PAPSS1: variants seen among roughly 807,000 people sequenced by gnomAD.
The protein encoded by PAPSS1 is 3'-phosphoadenosine 5'-phosphosulfate synthase 1.
Under a neutral mutation model 72.0 loss-of-function variants are expected in PAPSS1, and 50 were observed. That is an observed-to-expected ratio of 0.69 (90% CI 0.55 to 0.88). PAPSS1 has a LOEUF of 0.88. PAPSS1 is among the 40% of genes least tolerant of loss of function. The probability of loss-of-function intolerance (pLI) is 0.00; values close to 1 mark genes in which losing one functional copy is unlikely to be tolerated. For synonymous variants in PAPSS1, 261 were observed against 263.6 expected, an observed-to-expected ratio of 0.99 and a Z score of 0.09; for missense variants, 657 against 782.2, an observed-to-expected ratio of 0.84 and a Z score of 1.91.
At chr4:107,699,407 C>A (rs773093969) in intron 2 of PAPSS1, among the ~76,000 whole-genome samples, 12 of 152,170 alleles carry the variant, frequency 7.9e-5, no homozygotes, top group Middle Eastern at 3.4e-3. Flanking sequence ...GAGGAACAGA[C>A]AAATATATCA....
intron 6 of PAPSS1, among the ~76,000 whole-genome samples, chr4:107,658,060 C>A (rs558967207): frequency 7.1e-4 from 108 of 152,140 alleles, no homozygotes; most frequent in African/African-American, 2.5e-3. Context: ...AGCAAGGAAT[C>A]TTTCCAAGAT....
In PAPSS1 at chr4:107,709,009, C is replaced by T. The variant is rs192763982; in HGVS notation, c.61-7724G>A. On this transcript the variant is annotated intron_variant, in intron 1 of 11. Coordinates refer to ENST00000265174, the MANE Select transcript of PAPSS1 (RefSeq NM_005443.5). ...ATCCAGTTGTTTCTGGACCTCACTT[C>T]CATTTTCTGTGCACCACTTTCCTTT... Among the ~76,000 whole-genome samples the T allele has an allele frequency of 4.6e-5, 7 of 152,332 alleles. No individual in the cohort carries two copies. In the East Asian group the frequency reaches 1.4e-3, roughly 29 times the overall value.
chr4:107,618,987 G>A (rs17037911), intron 11 of PAPSS1, among the ~76,000 whole-genome samples: 6 of 152,150 alleles, frequency 3.9e-5, no homozygotes, highest in African/African-American at 1.4e-4. Context: ...CCACTTATTG[G>A]CTCCCTAAAT....
chr4:107,674,086 C>A (rs1392823824), intron 5 of PAPSS1, among the ~76,000 whole-genome samples: 1 of 152,104 alleles, frequency 6.6e-6, no homozygotes, highest in African/African-American at 2.4e-5. Flanking sequence ...CCAGCCACTG[C>A]AAAAATGTGA....
At chr4:107,685,640 C>G (rs762535427) in intron 4 of PAPSS1, among the ~76,000 whole-genome samples, 4 of 152,206 alleles carry the variant, frequency 2.6e-5, no homozygotes, top group Non-Finnish European at 4.4e-5. Flanking sequence ...GGTTGACAGG[C>G]AGCAGTCCCC....
intron 1 of PAPSS1, among the ~76,000 whole-genome samples, chr4:107,707,526 C>T (rs570434872): frequency 1.3e-5 from 2 of 152,272 alleles, no homozygotes; most frequent in Admixed American, 1.3e-4. Context: ...CTGAGTTTCA[C>T]TGAGGTGGGC....
intron 5 of PAPSS1, among the ~76,000 whole-genome samples, chr4:107,673,062 C>T (rs561511242): frequency 5.9e-5 from 9 of 151,950 alleles, no homozygotes; most frequent in Admixed American, 1.3e-4. Context: ...CCCATCTGTA[C>T]GTCACCATCA....
chr4:107,632,464 G>A (rs1280389632), intron 10 of PAPSS1, among the ~76,000 whole-genome samples: 5 of 151,246 alleles, frequency 3.3e-5, no homozygotes, highest in African/African-American at 7.3e-5. Flanking sequence ...TGAGAAAATC[G>A]TATAACTAAT....
chr4:107,701,436 G>A, intron 1 of PAPSS1, 151 bp from the exon 2 acceptor site: 1 of 541,254 alleles, frequency 1.8e-6, no homozygotes, highest in South Asian at 2.5e-5. Context: ...GTACTGGCAT[G>A]GTGTTTACTG....
intron 2 of PAPSS1, 64 bp from the exon 3 acceptor site, chr4:107,694,070 CTT>C (rs57931480): frequency 7.3e-5 from 77 of 1,052,274 alleles, no homozygotes; most frequent in East Asian, 1.3e-4. Context: ...TGTAGTAATA[CTT>C]TTTTTTTCCC....
intron 3 of PAPSS1, among the ~76,000 whole-genome samples, chr4:107,690,299 C>T (rs1722882936): frequency 6.6e-6 from 1 of 152,204 alleles, no homozygotes; most frequent in Non-Finnish European, 1.5e-5. Context: ...ATATCAGTCA[C>T]ACCAACCTAC....
intron 9 of PAPSS1, among the ~76,000 whole-genome samples, chr4:107,650,613 T>G (rs186168753): frequency 6.6e-6 from 1 of 152,164 alleles, no homozygotes; most frequent in South Asian, 2.1e-4. Context: ...AAAAGGGAAG[T>G]GTACATATAA....
At chr4:107,634,773 TA>T (rs1226039772) in intron 10 of PAPSS1, among the ~76,000 whole-genome samples, 1 of 149,710 alleles carries the variant, frequency 6.7e-6, no homozygotes, top group Non-Finnish European at 1.5e-5. Context: ...TCACAAGATC[TA>T]AAATTTCTAC....
chr4:107,625,031 T>C (rs1348570116), intron 11 of PAPSS1, among the ~76,000 whole-genome samples: 4 of 152,148 alleles, frequency 2.6e-5, no homozygotes, highest in Non-Finnish European at 5.9e-5. Flanking sequence ...TTCTATATAG[T>C]GCGAATAAGA....
At position 107,614,299 on chromosome 4, in the gene PAPSS1, T is replaced by C; in HGVS notation, c.1825A>G (p.Lys609Glu). 1 of 1,614,044 alleles carries C rather than the reference T, an allele frequency of 6.2e-7. No homozygotes were observed. Among genetic ancestry groups the C allele is most frequent in the Non-Finnish European group, 8.5e-7 (1 of 1,179,914 alleles). Residue 609 changes from lysine to glutamate, a missense_variant, in exon 12 of 12, where the codon AAG becomes GAG. By Grantham distance (56) the Lys-to-Glu change is moderately conservative (BLOSUM62 1). Around this residue, in one of 7 missense-constraint regions of PAPSS1, gnomAD observed 103 missense variants for 93.8 expected, o/e 1.10. Transcript: ENST00000265174. Reference sequence around the variant, plus strand: ...TATTCTGTCAGCACGGTCCAAGCCTTGGGAGCCATGAAACCTTCAGGTGGT... The same window carrying C: ...TATTCTGTCAGCACGGTCCAAGCCTCGGGAGCCATGAAACCTTCAGGTGGT... ...QKPPEGFMAP[K>E]AWTVLTEYYK...
chr4:107,676,206 A>G (rs1727644112), intron 5 of PAPSS1, among the ~76,000 whole-genome samples: 1 of 152,170 alleles, frequency 6.6e-6, no homozygotes, highest in African/African-American at 2.4e-5. Flanking sequence ...GGAGAAGGAA[A>G]TAAAGGGCAT....
Position 107,653,546 on chromosome 4 carries a change from A to T in PAPSS1, c.1182T>A (p.Asp394Glu), listed in dbSNP as rs1441114426. The T allele has an allele frequency of 1.2e-6, 2 of 1,613,064 alleles. No homozygotes were observed. Among genetic ancestry groups the T allele is most frequent in the Middle Eastern group, 1.7e-4 (1 of 6,052 alleles). The change falls in exon 9 of 12, where the codon GAT becomes GAA. Residue 394 changes from aspartate to glutamate, a missense_variant. Around this residue, in one of 7 missense-constraint regions of PAPSS1, gnomAD observed 166 missense variants for 228.3 expected, o/e 0.73. Coordinates refer to ENST00000265174, the MANE Select transcript of PAPSS1 (RefSeq NM_005443.5). ...GCTCAGTAGGAGTAAGACGATACTG[A>T]TCAAGACCATCATTCCAATAAACTC... ...LDRVYWNDGL[D>E]QYRLTPTELK...
chr4:107,715,617 A>G (rs2522432), intron 1 of PAPSS1, among the ~76,000 whole-genome samples: 126,166 of 152,222 alleles, frequency 0.83, 54,030 homozygotes, highest in South Asian at 0.95. Flanking sequence ...GTAAAAGGGA[A>G]AATTATTTCA....
At chr4:107,630,847 T>TA (rs1726209371) in intron 11 of PAPSS1, among the ~76,000 whole-genome samples, 1 of 152,202 alleles carries the variant, frequency 6.6e-6, no homozygotes, top group Non-Finnish European at 1.5e-5. Flanking sequence ...TAACAGCACC[T>TA]ACTTTAGAGA....
Sources: gnomAD v4.1 joint callset for allele counts (sites outside exome capture counted in the v4.1 genomes callset) on GRCh38, gnomAD v4.1.1 for gene constraint, gnomAD v4.1.1 regional missense constraint, MANE v1.5 for transcripts, NCBI Gene and HGNC (gene_info 2026-07-23, HGNC 2026-07-21) for gene names.